Variants in SLC44A2 observed in about 807,000 individuals in gnomAD.
The protein encoded by SLC44A2 is solute carrier family 44 member 2 (CTL2 blood group).
SLC44A2 carries 57 observed loss-of-function variants against 90.8 expected under a neutral mutation model. The observed-to-expected ratio is 0.63, with a 90% CI of 0.51 to 0.78. The LOEUF (loss-of-function observed/expected upper bound fraction) is 0.78, where lower values mean the gene tolerates loss of function less well. Ranked by LOEUF, SLC44A2 falls within the 30% of genes least tolerant of loss-of-function variation. SLC44A2 has a pLI of 0.00. For synonymous variants in SLC44A2, 355 were observed against 360.7 expected (o/e 0.98, Z 0.18); for missense variants, 794 against 919.7 (o/e 0.86, Z 1.77).
At chr19:10,636,958 A>T in intron 16 of SLC44A2, 5 of 545,204 alleles carry the variant, frequency 9.2e-6, no homozygotes, top group Non-Finnish European at 1.3e-5. Flanking sequence ...ACTGGGTGGA[A>T]TTCTTGCTGT....
At chr19:10,633,867 G>A (rs992000303) in intron 10 of SLC44A2, among the ~76,000 whole-genome samples, 4 of 152,090 alleles carry the variant, frequency 2.6e-5, no homozygotes, top group African/African-American at 9.7e-5. Context: ...GCTGGGTGCG[G>A]TGGCGCACGC....
In SLC44A2 at chr19:10,637,944, T is replaced by C. The variant is rs1243050793; in HGVS notation, c.1769+15T>C. On this transcript the variant is annotated intron_variant, in intron 18 of 21. Transcript: ENST00000335757. ...AACATCATCAGGTCGGGAATCATTATCATCTTCCTCCTGCCACCCGCCTCT... is the reference window on the plus strand; with the variant it reads ...AACATCATCAGGTCGGGAATCATTACCATCTTCCTCCTGCCACCCGCCTCT... 2.5e-6 allele frequency: 4 copies of C among 1,614,000 alleles called. No individual in the cohort carries two copies. The African/African-American group carries it at 4.0e-5, about 16-fold the overall frequency.
chr19:10,615,770 C>A (rs1409435987), intron 1 of SLC44A2, among the ~76,000 whole-genome samples: 35 of 152,088 alleles, frequency 2.3e-4, no homozygotes, highest in Non-Finnish European at 2.9e-5. Flanking sequence ...CAGCTTGGGT[C>A]TGCTGATTGA....
At chr19:10,634,706 CA>C (rs755452430) in intron 10 of SLC44A2, 49 bp from the exon 11 acceptor site, 5 of 1,610,570 alleles carry the variant, frequency 3.1e-6, no homozygotes, top group Non-Finnish European at 2.5e-6. Context: ...AGCTGCTTTG[CA>C]AAGTTGCAGG....
intron 20 of SLC44A2, among the ~76,000 whole-genome samples, chr19:10,642,031 G>A (rs1004063002): frequency 6.6e-6 from 1 of 150,748 alleles, no homozygotes; most frequent in Non-Finnish European, 1.5e-5. Context: ...GTGGTGGCAC[G>A]TGCCTGTAGT....
intron 10 of SLC44A2, among the ~76,000 whole-genome samples, chr19:10,633,317 C>G (rs2067017436): frequency 6.6e-6 from 1 of 151,910 alleles, no homozygotes; most frequent in African/African-American, 2.4e-5. Context: ...GCGCACACCA[C>G]CATGCCCGGC....
At position 10,631,949 on chromosome 19, in the gene SLC44A2, C is replaced by T; in HGVS notation, c.708C>T (p.Ile236=). Reference sequence around the variant, plus strand: ...ACACCGTCTCTTGGTACTGGATTATCATGTAAGTCAGGAGGGAAGGGGCCT... The same window carrying T: ...ACACCGTCTCTTGGTACTGGATTATTATGTAAGTCAGGAGGGAAGGGGCCT... ...EDYTVSWYWI[I]IGLVIAMAMS... The change falls in exon 9 of 22, where the codon ATC becomes ATT. Residue 236 remains isoleucine (I), a splice_region_variant and synonymous_variant. Coordinates refer to ENST00000335757, the MANE Select transcript of SLC44A2 (RefSeq NM_020428.4). 2 of 1,614,194 alleles carry T rather than the reference C, an allele frequency of 1.2e-6. No individual in the cohort carries two copies. Among genetic ancestry groups the T allele is most frequent in the Admixed American group, 3.3e-5 (2 of 60,006 alleles).
At chr19:10,621,817 A>G (rs1345465432), upstream of SLC44A2, among the ~76,000 whole-genome samples, 2 of 152,058 alleles carry the variant, frequency 1.3e-5, no homozygotes, top group Non-Finnish European at 2.9e-5. Context: ...GGGTTTCTCC[A>G]TGTTGGTCAG....
At chr19:10,617,607 G>A (rs1410785836) in intron 1 of SLC44A2, among the ~76,000 whole-genome samples, 1 of 152,076 alleles carries the variant, frequency 6.6e-6, no homozygotes, top group African/African-American at 2.4e-5. Context: ...TTCCCTCCCC[G>A]GTGCGGCCCT....
rs369823709 is a variant in SLC44A2, at chr19:10,634,063, C to T, written c.824-693C>T. On this transcript the variant is annotated intron_variant, in intron 10 of 21. Transcript: ENST00000335757. ...TCAGCTCACTGCAACCTCCGCCTCC[C>T]GGGTTCAAGCAATTCTCCTACCTCA... Among the ~76,000 whole-genome samples, 202 of 150,322 alleles carry T rather than the reference C, an allele frequency of 1.3e-3. 2 individuals are homozygous for T. The East Asian group carries it at 0.017, about 13-fold the overall frequency.
At chr19:10,625,375 G>C, upstream of SLC44A2, 1 of 951,956 alleles carries the variant, frequency 1.1e-6, no homozygotes. Context: ...AGGGTTCCCG[G>C]GTGGGGGCGG....
intron 1 of SLC44A2, 81 bp downstream of exon 1, chr19:10,625,751 G>A (rs1432994630): frequency 1.7e-6 from 2 of 1,161,490 alleles, no homozygotes; most frequent in East Asian, 3.2e-5. Flanking sequence ...TGGGGCGCAG[G>A]GAAGGGGGCT....
At position 10,632,028 on chromosome 19, in the gene SLC44A2, G is replaced by T. The variant is rs370525353; in HGVS notation, c.711-16G>T. On this transcript the variant is annotated splice_polypyrimidine_tract_variant and intron_variant, in intron 9 of 21. Coordinates refer to ENST00000335757, the MANE Select transcript of SLC44A2 (RefSeq NM_020428.4). The stretch of plus-strand genomic sequence containing the variant: ...CTGAGGGTGGAGTCTGTTCATGACC[G>T]TTTTCTTTTCCCCAGAGGCCTGGTC... The T allele has an allele frequency of 1.2e-5, 19 of 1,613,790 alleles. 2 individuals carry two copies. The South Asian group carries it at 2.0e-4, about 17-fold the overall frequency.
At chr19:10,605,781 G>T (rs1196625710) in intron 1 of SLC44A2, among the ~76,000 whole-genome samples, 1 of 151,722 alleles carries the variant, frequency 6.6e-6, no homozygotes, top group East Asian at 1.9e-4. Flanking sequence ...GTCACTTGAG[G>T]TCAGGAGATC....
chr19:10,621,610 A>T (rs546719685), upstream of SLC44A2, among the ~76,000 whole-genome samples: 3 of 151,410 alleles, frequency 2.0e-5, no homozygotes, highest in Non-Finnish European at 2.9e-5. Flanking sequence ...CACCTGGCTA[A>T]TTTTTAATTT....
At chr19:10,621,355 A>C (rs2066893104), upstream of SLC44A2, among the ~76,000 whole-genome samples, 1 of 151,820 alleles carries the variant, frequency 6.6e-6, no homozygotes, top group Non-Finnish European at 1.5e-5. Context: ...CTGCCTCAAA[A>C]AAGAAAAAAA....
intron 2 of SLC44A2, 32 bp from the exon 3 acceptor site, chr19:10,627,690 C>A: frequency 1.2e-6 from 2 of 1,610,108 alleles, no homozygotes; most frequent in Non-Finnish European, 8.5e-7. Flanking sequence ...CAGCACCAAG[C>A]CTCCTCCAAA....
intron 4 of SLC44A2, 42 bp from the exon 5 acceptor site, chr19:10,631,015 A>AG (rs1555761226): frequency 1.9e-6 from 3 of 1,550,574 alleles, no homozygotes; most frequent in East Asian, 4.5e-5. Flanking sequence ...CAAAAAAAAA[A>AG]AAAAATCTTA....
At position 10,627,067 on chromosome 19, in the gene SLC44A2, T is replaced by C. The variant is rs141998818; in HGVS notation, c.87-655T>C. On this transcript the variant is annotated intron_variant, in intron 2 of 21. Coordinates refer to ENST00000335757, the MANE Select transcript of SLC44A2 (RefSeq NM_020428.4). The stretch of plus-strand genomic sequence containing the variant: ...CAGGCACGGTGGCTCACACCTATAA[T>C]CCCAGCACTTTGGGAGGCCAAGGCA... Among the ~76,000 whole-genome samples the C allele has an allele frequency of 9.7e-3, 1,481 of 152,048 alleles. 26 individuals are homozygous for C. Among genetic ancestry groups the C allele is most frequent in the African/African-American group, 0.034 (1,410 of 41,506 alleles).
Sources: allele counts gnomAD v4.1 joint callset (sites outside exome capture counted in the v4.1 genomes callset), GRCh38; gene constraint gnomAD v4.1.1; transcripts MANE v1.5; gene names NCBI Gene and HGNC (gene_info 2026-07-23, HGNC 2026-07-21).